TET2: variants seen among roughly 807,000 people sequenced by gnomAD.
TET2 encodes tet methylcytosine dioxygenase 2.
TET2 carries 299 observed loss-of-function variants against 142.9 expected under a neutral mutation model. The observed-to-expected ratio is 2.09, with a 90% CI of 1.90 to 2.30. The LOEUF (loss-of-function observed/expected upper bound fraction) is 2.30, where lower values mean the gene tolerates loss of function less well. Ranked by LOEUF, TET2 falls within the 30% of genes most tolerant of loss-of-function variation. The pLI, the probability that TET2 is intolerant of heterozygous loss-of-function variation, is 0.00. For missense variants in TET2, 2,418 were observed against 2,378.0 expected (o/e 1.02, Z -0.35); for synonymous variants, 819 against 849.0 (o/e 0.96, Z 0.61).
At chr4:105,246,165 C>T (rs767588540) in intron 6 of TET2, among the ~76,000 whole-genome samples, 6 of 152,136 alleles carry the variant, frequency 3.9e-5, no homozygotes, top group Non-Finnish European at 8.8e-5. Context: ...TCAGGTAACC[C>T]ACCCACCCTG....
At chr4:105,186,979 T>C (rs1578582178) in intron 1 of TET2, among the ~76,000 whole-genome samples, 1 of 152,284 alleles carries the variant, frequency 6.6e-6, no homozygotes, top group East Asian at 1.9e-4. Flanking sequence ...AGGGGACTGT[T>C]TTGGGCATAT....
chr4:105,187,509 C>A (rs1219532106), intron 1 of TET2, among the ~76,000 whole-genome samples: 1 of 152,206 alleles, frequency 6.6e-6, no homozygotes, highest in Non-Finnish European at 1.5e-5. Flanking sequence ...TTTTCAAATG[C>A]ATCATGTCAA....
At chr4:105,199,158 A>G (rs1726285107) in intron 2 of TET2, among the ~76,000 whole-genome samples, 1 of 152,174 alleles carries the variant, frequency 6.6e-6, no homozygotes. Flanking sequence ...AGAATGTTGG[A>G]TTCATTTATA....
At chr4:105,229,881 T>C (rs1728407206) in intron 2 of TET2, among the ~76,000 whole-genome samples, 1 of 152,092 alleles carries the variant, frequency 6.6e-6, no homozygotes, top group African/African-American at 2.4e-5. Context: ...TCTGAAAATA[T>C]AGAGATACTA....
chr4:105,237,908 T>C, intron 3 of TET2: 1 of 1,029,980 alleles, frequency 9.7e-7, no homozygotes, highest in Non-Finnish European at 1.2e-6. Flanking sequence ...ACATTTGGAA[T>C]GTTGTGATTT....
rs182512190 is a variant in TET2 at position 105,274,730 on chromosome 4, G to A, written c.4538-318G>A. 1.8e-3 allele frequency among the ~76,000 whole-genome samples: 267 copies of A among 152,268 alleles called. 4 individuals carry two copies. Among genetic ancestry groups the A allele is most frequent in the Non-Finnish European group, 3.2e-4 (22 of 68,022 alleles). ...GGGATGACTACACCAAGGAAGGATAGGGAGAGAGGGAGGAAAAGGGAGGCA... is the reference window on the plus strand; with the variant it reads ...GGGATGACTACACCAAGGAAGGATAAGGAGAGAGGGAGGAAAAGGGAGGCA... On this transcript the variant is annotated intron_variant, in intron 10 of 10. Transcript: ENST00000380013.
chr4:105,259,675 T>C lies in TET2; in HGVS notation c.3860T>C (p.Phe1287Ser), dbSNP rs1730324787. The C allele has an allele frequency of 2.6e-6, 4 of 1,551,208 alleles. No homozygotes were observed. The highest frequency in any genetic ancestry group is 2.6e-6 in the Non-Finnish European group (3 of 1,146,592). Residue 1287 changes from phenylalanine (F) to serine (S), a missense_variant, in exon 7 of 11, where the codon TTT becomes TCT. Phe to Ser is a radical substitution (Grantham distance 155). Coordinates refer to ENST00000380013, the MANE Select transcript of TET2 (RefSeq NM_001127208.3). ...GAAACCTGTGGTGCCTCCTTCTCTTTTGGTTGTTCATGGAGCATGTACTAC... is the reference window on the plus strand; with the variant it reads ...GAAACCTGTGGTGCCTCCTTCTCTTCTGGTTGTTCATGGAGCATGTACTAC... ...DPETCGASFS[F>S]GCSWSMYYNG...
intron 2 of TET2, among the ~76,000 whole-genome samples, chr4:105,229,601 G>A (rs543064226): frequency 6.6e-5 from 10 of 151,656 alleles, no homozygotes; most frequent in African/African-American, 2.2e-4. Context: ...GAGCCACCGT[G>A]CCTGGCCTTT....
chr4:105,174,660 G>GTCT (rs1328572169), intron 1 of TET2, among the ~76,000 whole-genome samples: 1 of 152,176 alleles, frequency 6.6e-6, no homozygotes, highest in Admixed American at 6.5e-5. Context: ...AGTGTGGCAA[G>GTCT]TCTGAGGGTT....
At chr4:105,194,479 C>T (rs1443463291) in intron 2 of TET2, among the ~76,000 whole-genome samples, 1 of 152,108 alleles carries the variant, frequency 6.6e-6, no homozygotes, top group East Asian at 1.9e-4. Flanking sequence ...AACCATCACC[C>T]TACAGGAAAT....
intron 1 of TET2, among the ~76,000 whole-genome samples, chr4:105,149,157 T>A (rs1364465970): frequency 1.3e-5 from 2 of 152,200 alleles, no homozygotes; most frequent in Non-Finnish European, 2.9e-5. Context: ...ACAATTCCTT[T>A]TGCTAACAAA....
intron 1 of TET2, among the ~76,000 whole-genome samples, chr4:105,189,849 C>T (rs916801427): frequency 6.6e-6 from 1 of 152,192 alleles, no homozygotes; most frequent in Non-Finnish European, 1.5e-5. Context: ...CTTGACATGG[C>T]ATATACTGAA....
chr4:105,157,473 A>G (rs1034499964), intron 1 of TET2, among the ~76,000 whole-genome samples: 1 of 152,200 alleles, frequency 6.6e-6, no homozygotes, highest in African/African-American at 2.4e-5. Context: ...ACATAAGTTG[A>G]ATTTAAAACA....
chr4:105,261,690 C>CTGAT (rs1370111281), intron 7 of TET2, 69 bp from the exon 8 acceptor site: 2 of 912,302 alleles, frequency 2.2e-6, no homozygotes, highest in Non-Finnish European at 3.4e-6. Context: ...AATAATCTAA[C>CTGAT]TGATAGTCTC....
intron 6 of TET2, among the ~76,000 whole-genome samples, chr4:105,252,173 C>G (rs149472097): frequency 8.2e-4 from 125 of 152,204 alleles, no homozygotes; most frequent in Non-Finnish European, 1.6e-3. Flanking sequence ...TCCTCTGTAC[C>G]CTACCTATTT....
intron 8 of TET2, among the ~76,000 whole-genome samples, chr4:105,266,258 G>T (rs1173264326): frequency 6.6e-6 from 1 of 151,978 alleles, no homozygotes; most frequent in Non-Finnish European, 1.5e-5. Flanking sequence ...AAATTTGGCA[G>T]TTCTGACCTC....
At chr4:105,211,722 A>C (rs1727173703) in intron 2 of TET2, among the ~76,000 whole-genome samples, 1 of 152,196 alleles carries the variant, frequency 6.6e-6, no homozygotes, top group South Asian at 2.1e-4. Flanking sequence ...ATTCTGTATG[A>C]AGGAGTAAAT....
chr4:105,229,905 C>T (rs1375201390), intron 2 of TET2, among the ~76,000 whole-genome samples: 1 of 151,990 alleles, frequency 6.6e-6, no homozygotes, highest in Non-Finnish European at 1.5e-5. Flanking sequence ...TTAATAGCTA[C>T]ATGGTATTAT....
intron 2 of TET2, among the ~76,000 whole-genome samples, chr4:105,200,721 T>C (rs2110511013): frequency 6.6e-6 from 1 of 152,188 alleles, no homozygotes; most frequent in Middle Eastern, 3.4e-3. Context: ...AGTGTGGTGA[T>C]ACAATCTTGG....
Sources: gnomAD v4.1 joint callset for allele counts (sites outside exome capture counted in the v4.1 genomes callset) on GRCh38, gnomAD v4.1.1 for gene constraint, MANE v1.5 for transcripts, NCBI Gene and HGNC (gene_info 2026-07-23, HGNC 2026-07-21) for gene names.